ADGRB3: variants seen among roughly 807,000 people sequenced by gnomAD.
ADGRB3 encodes the protein adhesion G protein-coupled receptor B3.
In ADGRB3, 37 loss-of-function variants were observed where a neutral mutation model predicts 193.4. That is an observed-to-expected ratio of 0.19 (90% confidence interval 0.15 to 0.25). The LOEUF is 0.25. Among genes scored for constraint, ADGRB3 ranks in the 10% least tolerant of loss-of-function variants. The pLI is 1.00. For synonymous variants in ADGRB3, 690 were observed against 644.2 expected (o/e 1.07, Z -1.08); for missense variants, 1,637 against 1,852.9 (o/e 0.88, Z 2.14).
At chr6:69,035,081 A>G (rs1184423884) in intron 13 of ADGRB3, among the ~76,000 whole-genome samples, 2 of 152,098 alleles carry the variant, frequency 1.3e-5, no homozygotes, top group African/African-American at 4.8e-5. Context: ...AATTCCAATG[A>G]TAAACTCATG....
chr6:69,045,121 C>G (rs1562135572), intron 13 of ADGRB3, among the ~76,000 whole-genome samples: 1 of 152,084 alleles, frequency 6.6e-6, no homozygotes, highest in East Asian at 1.9e-4. Flanking sequence ...AAGATGTTAA[C>G]AGCATCAAAA....
intron 20 of ADGRB3, among the ~76,000 whole-genome samples, chr6:69,275,758 A>G (rs1311119641): frequency 1.3e-5 from 2 of 152,102 alleles, no homozygotes; most frequent in African/African-American, 4.8e-5. Flanking sequence ...AAATTTTATT[A>G]GACTAGTAGA....
At chr6:69,230,882 C>T (rs1264673405) in intron 17 of ADGRB3, among the ~76,000 whole-genome samples, 1 of 152,190 alleles carries the variant, frequency 6.6e-6, no homozygotes, top group Non-Finnish European at 1.5e-5. Context: ...AAGCTGTACT[C>T]ACTCACTCAG....
intron 5 of ADGRB3, among the ~76,000 whole-genome samples, chr6:68,940,118 T>A (rs1767594198): frequency 6.6e-6 from 1 of 152,216 alleles, no homozygotes; most frequent in South Asian, 2.1e-4. Flanking sequence ...AGCAGAATTT[T>A]TGCTTTGACA....
At chr6:68,892,767 C>T (rs867024210) in intron 3 of ADGRB3, among the ~76,000 whole-genome samples, 2 of 151,924 alleles carry the variant, frequency 1.3e-5, no homozygotes, top group East Asian at 1.9e-4. Flanking sequence ...AAAAAACACT[C>T]GGAGAAACTT....
intron 3 of ADGRB3, among the ~76,000 whole-genome samples, chr6:68,646,203 G>A (rs1429419700): frequency 2.6e-5 from 4 of 151,970 alleles, no homozygotes; most frequent in African/African-American, 9.7e-5. Flanking sequence ...CCAGCTGGGC[G>A]TAGTGGTTCA....
intron 3 of ADGRB3, among the ~76,000 whole-genome samples, chr6:68,701,713 C>A (rs943490718): frequency 3.3e-5 from 5 of 152,054 alleles, no homozygotes; most frequent in African/African-American, 1.2e-4. Context: ...ACAACAGGAC[C>A]AAAACAGGTT....
At chr6:68,877,471 ATAAGGCTACT>A (rs2150222831) in intron 3 of ADGRB3, among the ~76,000 whole-genome samples, 1 of 152,216 alleles carries the variant, frequency 6.6e-6, no homozygotes, top group East Asian at 1.9e-4. Flanking sequence ...TCATATTCAC[ATAAGGCTACT>A]TTAGGTTTAT....
intron 20 of ADGRB3, among the ~76,000 whole-genome samples, chr6:69,243,726 G>A: frequency 6.6e-6 from 1 of 151,850 alleles, no homozygotes; most frequent in Non-Finnish European, 1.5e-5. Context: ...GTTGATTGTG[G>A]CTAGATGTAC....
At chr6:69,004,193 C>T (rs1769671987) in intron 11 of ADGRB3, among the ~76,000 whole-genome samples, 1 of 152,166 alleles carries the variant, frequency 6.6e-6, no homozygotes, top group South Asian at 2.1e-4. Flanking sequence ...ACAAATACCA[C>T]AAACTGAGTG....
chr6:68,666,288 T>G (rs1768799044), intron 3 of ADGRB3, among the ~76,000 whole-genome samples: 1 of 151,918 alleles, frequency 6.6e-6, no homozygotes, highest in South Asian at 2.1e-4. Context: ...GTGTAGCCAC[T>G]TCATACATTT....
intron 8 of ADGRB3, among the ~76,000 whole-genome samples, chr6:68,971,400 G>A (rs1768563994): frequency 6.6e-6 from 1 of 152,152 alleles, no homozygotes; most frequent in Non-Finnish European, 1.5e-5. Context: ...CAGAATCTGT[G>A]TGTTGGAAAA....
At chr6:69,055,381 C>A (rs1771514608) in intron 15 of ADGRB3, among the ~76,000 whole-genome samples, 1 of 152,178 alleles carries the variant, frequency 6.6e-6, no homozygotes, top group Non-Finnish European at 1.5e-5. Flanking sequence ...TGGAATCATG[C>A]AGTATTCATC....
intron 30 of ADGRB3, among the ~76,000 whole-genome samples, chr6:69,375,007 G>A (rs958764640): frequency 6.6e-6 from 1 of 152,016 alleles, no homozygotes; most frequent in Non-Finnish European, 1.5e-5. Flanking sequence ...AATAGGAAAA[G>A]GCATGTAGGT....
intron 28 of ADGRB3, among the ~76,000 whole-genome samples, chr6:69,358,746 T>C (rs1469436616): frequency 6.6e-6 from 1 of 151,908 alleles, no homozygotes; most frequent in Non-Finnish European, 1.5e-5. Context: ...GATTAGTTTC[T>C]CTCGAAAGTC....
intron 3 of ADGRB3, among the ~76,000 whole-genome samples, chr6:68,641,313 T>A (rs1207977318): frequency 1.3e-5 from 2 of 152,134 alleles, no homozygotes; most frequent in African/African-American, 4.8e-5. Flanking sequence ...TTGATCATGA[T>A]CCCGAGATGT....
chr6:69,150,795 C>G (rs1000320522), intron 17 of ADGRB3, among the ~76,000 whole-genome samples: 4 of 152,150 alleles, frequency 2.6e-5, no homozygotes, highest in Non-Finnish European at 5.9e-5. Context: ...TTATTCAGGA[C>G]CCGAGGGCTC....
chr6:68,825,958 A>G (rs1582233031), intron 3 of ADGRB3, among the ~76,000 whole-genome samples: 1 of 151,986 alleles, frequency 6.6e-6, no homozygotes, highest in South Asian at 2.1e-4. Flanking sequence ...CTTAGGACCT[A>G]ACTATCCACT....
intron 29 of ADGRB3, among the ~76,000 whole-genome samples, chr6:69,364,639 T>C (rs1769530071): frequency 6.6e-6 from 1 of 152,100 alleles, no homozygotes; most frequent in South Asian, 2.1e-4. Flanking sequence ...CTGAAAACTT[T>C]AGATACAGAG....
Sources: allele counts gnomAD v4.1 joint callset (sites outside exome capture counted in the v4.1 genomes callset), GRCh38; gene constraint gnomAD v4.1.1; transcripts MANE v1.5; gene names NCBI Gene and HGNC (gene_info 2026-07-23, HGNC 2026-07-21).